Variants in DENND2A observed in about 807,000 individuals in gnomAD.
The protein encoded by DENND2A is DENN domain-containing protein 2A.
In DENND2A, 53 loss-of-function variants were observed where a neutral mutation model predicts 105.3. The ratio of observed to expected loss-of-function variants is 0.50; its 90% CI spans 0.40 to 0.63. The LOEUF (loss-of-function observed/expected upper bound fraction) is 0.63. Ranked by LOEUF, DENND2A falls within the 30% of genes least tolerant of loss-of-function variation. DENND2A has a pLI of 0.00. For missense variants in DENND2A, 1,138 were observed against 1,279.6 expected (o/e 0.89, Z 1.69); for synonymous variants, 522 against 508.4 (o/e 1.03, Z -0.36).
At chr7:140,629,682 C>G (rs1483333508) in intron 1 of DENND2A, among the ~76,000 whole-genome samples, 2 of 151,958 alleles carry the variant, frequency 1.3e-5, no homozygotes, top group Non-Finnish European at 2.9e-5. Flanking sequence ...AGCTAACGGT[C>G]TTTATAAAGA....
rs889445952 is a variant in DENND2A at position 140,527,260 on chromosome 7, G to A, written c.2505+58C>T. The A allele has an allele frequency of 2.0e-6, 3 of 1,478,738 alleles. No homozygotes were observed. The highest frequency in any genetic ancestry group is 2.2e-5 in the Admixed American group (1 of 46,066). The allele number at this position is 1,478,738 out of a possible 1,614,324, so 91.6% of individuals were successfully genotyped here. A position where few individuals can be genotyped will look rare whatever the true frequency, so the allele number is the denominator to read the frequency against. On this transcript the variant is annotated intron_variant, in intron 15 of 19. Coordinates refer to ENST00000496613, the MANE Select transcript of DENND2A (RefSeq NM_015689.5). This position sits in a 1 kb window ranked among gnomAD's most constrained non-coding sequence, Gnocchi z 4.9. ...GCTCCATGATGCCTGCAGAGCCAGC[G>A]CCCCGCTCTGTTCTCCGCACCCTGC...
intron 3 of DENND2A, among the ~76,000 whole-genome samples, chr7:140,589,725 C>G (rs1475031199): frequency 1.3e-5 from 2 of 152,126 alleles, no homozygotes; most frequent in African/African-American, 2.4e-5. Flanking sequence ...AATTCCTGGG[C>G]TCAGGCAATC....
In DENND2A at chr7:140,519,714, C is replaced by T; in HGVS notation, c.2916G>A (p.Leu972=). The change falls in exon 19 of 20, where the codon CTG becomes CTA. Residue 972 remains leucine, a synonymous_variant. Coordinates refer to ENST00000496613, the MANE Select transcript of DENND2A (RefSeq NM_015689.5). ...RELRRQDAKG[L]FEVRAQEYLE... ...GATACTCTTGGGCTCGGACCTCAAA[C>T]AGACCTGTTAACAAGAGAAATCCCA... 1 of 1,614,116 alleles carries T rather than the reference C, an allele frequency of 6.2e-7. No individual in the cohort carries two copies. The highest frequency in any genetic ancestry group is 8.5e-7 in the Non-Finnish European group (1 of 1,179,962).
At chr7:140,595,785 G>T (rs1410497974) in intron 3 of DENND2A, among the ~76,000 whole-genome samples, 1 of 151,840 alleles carries the variant, frequency 6.6e-6, no homozygotes, top group African/African-American at 2.4e-5. Context: ...AAAAAGCTTG[G>T]CTAGCCTGGC....
chr7:140,610,097 C>G (rs1350210823), intron 1 of DENND2A: 2 of 151,788 alleles, frequency 1.3e-5, no homozygotes, highest in African/African-American at 4.9e-5. Flanking sequence ...TCCTGAGTAG[C>G]TGGGACTACA....
At chr7:140,622,052 C>T (rs1800313175) in intron 1 of DENND2A, among the ~76,000 whole-genome samples, 1 of 152,136 alleles carries the variant, frequency 6.6e-6, no homozygotes, top group African/African-American at 2.4e-5. Flanking sequence ...CTTGTGTAGA[C>T]TTTCTGAAAG....
chr7:140,562,746 AT>A (rs1797682685), intron 9 of DENND2A, among the ~76,000 whole-genome samples: 1 of 152,346 alleles, frequency 6.6e-6, no homozygotes, highest in Non-Finnish European at 1.5e-5. Flanking sequence ...AATTGAAGCC[AT>A]GGGGTGCCAC....
chr7:140,604,841 G>T (rs960079817), intron 2 of DENND2A, among the ~76,000 whole-genome samples: 3 of 152,190 alleles, frequency 2.0e-5, no homozygotes, highest in African/African-American at 7.2e-5. Flanking sequence ...TGTGCCTGGT[G>T]CATAGCAGCT....
At chr7:140,561,608 A>T (rs1170463138) in intron 9 of DENND2A, among the ~76,000 whole-genome samples, 1 of 136,554 alleles carries the variant, frequency 7.3e-6, no homozygotes, top group Admixed American at 8.2e-5. Context: ...GGTTCAAGTG[A>T]TTCTCCTGCC....
At chr7:140,540,412 T>A (rs1158871599) in intron 14 of DENND2A, among the ~76,000 whole-genome samples, 2 of 152,240 alleles carry the variant, frequency 1.3e-5, no homozygotes, top group African/African-American at 4.8e-5. Flanking sequence ...TGCCAGGCAC[T>A]ATGGAAGGTT....
At chr7:140,585,097 C>T (rs1188895097) in intron 5 of DENND2A, among the ~76,000 whole-genome samples, 1 of 152,148 alleles carries the variant, frequency 6.6e-6, no homozygotes, top group Non-Finnish European at 1.5e-5. Context: ...ACTTAGAAGG[C>T]TGAGGTGGGA....
intron 14 of DENND2A, among the ~76,000 whole-genome samples, chr7:140,537,968 A>G (rs1407572756): frequency 6.6e-6 from 1 of 152,198 alleles, no homozygotes; most frequent in Non-Finnish European, 1.5e-5. Context: ...AGAAGTATTT[A>G]TCTGTTGTCA....
chr7:140,558,289 G>A lies in DENND2A; in HGVS notation c.1890-77C>T, dbSNP rs548508254. The A allele has an allele frequency of 4.2e-6, 5 of 1,199,938 alleles. No individual in the cohort carries two copies. In the East Asian group the frequency reaches 1.2e-4, roughly 29 times the overall value. The allele number at this position is 1,199,938 out of a possible 1,614,324, so 74.3% of individuals were successfully genotyped here. A position where few individuals can be genotyped will look rare whatever the true frequency, so the allele number is the denominator to read the frequency against. ...ACCTCATCACTCTGCAGCAAGGGGT[G>A]GCAGTGAGCAGCCATGGGACACACT... is the stretch of plus-strand genomic sequence containing the variant. On this transcript the variant is annotated intron_variant, in intron 10 of 19. Transcript: ENST00000496613.
At chr7:140,564,801 C>T (rs754852159) in intron 9 of DENND2A, among the ~76,000 whole-genome samples, 6 of 152,178 alleles carry the variant, frequency 3.9e-5, no homozygotes, top group Non-Finnish European at 7.3e-5. Flanking sequence ...AGCATTGCCA[C>T]GTGAACAGCA....
At chr7:140,563,496 C>T (rs1797711649) in intron 9 of DENND2A, among the ~76,000 whole-genome samples, 2 of 151,778 alleles carry the variant, frequency 1.3e-5, no homozygotes, top group African/African-American at 2.4e-5. Context: ...CAAATAGGGG[C>T]TGTGCCTTGA....
At chr7:140,636,706 T>C (rs1800950386) in intron 1 of DENND2A, among the ~76,000 whole-genome samples, 1 of 148,870 alleles carries the variant, frequency 6.7e-6, no homozygotes, top group Admixed American at 6.7e-5. Flanking sequence ...TTTTTTTTTT[T>C]TGGACACAGG....
intron 1 of DENND2A, among the ~76,000 whole-genome samples, chr7:140,611,097 G>A (rs1161783123): frequency 1.3e-5 from 2 of 152,170 alleles, no homozygotes; most frequent in Non-Finnish European, 2.9e-5. Context: ...CCAGGCTGGA[G>A]TGCAATGGCA....
chr7:140,586,530 G>C (rs964030874), intron 4 of DENND2A, among the ~76,000 whole-genome samples: 1 of 151,654 alleles, frequency 6.6e-6, no homozygotes, highest in African/African-American at 2.4e-5. Context: ...TTGAACTCCT[G>C]GGTAACAGAG....
chr7:140,557,292 C>T lies in DENND2A; in HGVS notation c.1959+851G>A, dbSNP rs556274419. On this transcript the variant is annotated intron_variant, in intron 11 of 19. Transcript: ENST00000496613. ...TGGTGGTACATGCCTGTGGTCCCAG[C>T]TACTCGGGAGGCTGAGGCAGGAGGA... Among the ~76,000 whole-genome samples the T allele has an allele frequency of 1.8e-3, 267 of 151,298 alleles. 2 individuals carry two copies. The highest frequency in any genetic ancestry group is 6.0e-3 in the African/African-American group (247 of 41,312).
Sources: gnomAD v4.1 joint callset for allele counts (sites outside exome capture counted in the v4.1 genomes callset) on GRCh38, gnomAD v4.1.1 for gene constraint, Gnocchi (gnomAD v3.1) non-coding constraint, MANE v1.5 for transcripts, NCBI Gene and HGNC (gene_info 2026-07-23, HGNC 2026-07-21) for gene names.